The following MYOM1 variants were observed in gnomAD, a reference collection of about 807,000 sequenced individuals.
MYOM1 encodes the protein myomesin 1.
Under a neutral mutation model 205.3 loss-of-function variants are expected in MYOM1, and 164 were observed. The observed-to-expected ratio is 0.80, with a 90% CI of 0.70 to 0.91. The LOEUF is 0.91. Ranked by LOEUF, MYOM1 falls within the 40% of genes least tolerant of loss-of-function variation. The pLI, the probability that MYOM1 is intolerant of heterozygous loss-of-function variation, is 0.00. For synonymous variants in MYOM1, 772 were observed against 789.4 expected (o/e 0.98, Z 0.37); for missense variants, 2,011 against 2,127.3 (o/e 0.95, Z 1.08).
intron 1 of MYOM1, chr18:3,217,141 T>C (rs184710857): frequency 6.6e-6 from 1 of 152,440 alleles, no homozygotes; most frequent in Admixed American, 6.5e-5. Flanking sequence ...CCTCCAGAGT[T>C]GTAAGGTAAT....
chr18:3,187,934 G>A (rs543168038), intron 4 of MYOM1, among the ~76,000 whole-genome samples: 46 of 146,628 alleles, frequency 3.1e-4, no homozygotes, highest in Admixed American at 1.0e-3. Flanking sequence ...TGCCTCCCAG[G>A]TTCATGCGAT....
At chr18:3,148,752 A>G (rs185587563) in intron 13 of MYOM1, among the ~76,000 whole-genome samples, 3,095 of 145,806 alleles carry the variant, frequency 0.021, 85 homozygotes, top group African/African-American at 0.071. Context: ...AGGCTGAGGC[A>G]GGAGAATGGC....
the MYOM1 span, among the ~76,000 whole-genome samples, chr18:3,239,876 C>A: frequency 6.6e-6 from 1 of 151,618 alleles, no homozygotes. Context: ...TAAAGTGCAA[C>A]CACTTAGCTT....
Position 3,089,173 on chromosome 18 carries a change from C to T in MYOM1, c.4137+1G>A, listed in dbSNP as rs2079190727. On this transcript the variant is annotated splice_donor_variant, in intron 29 of 37. Coordinates refer to ENST00000356443, the MANE Select transcript of MYOM1 (RefSeq NM_003803.4). LOFTEE classifies it high-confidence loss of function. ...ATATTAAAAATTTATCTACCTCTTACCTTGCATTTCAATAGTACATTACAT... is the reference window on the plus strand; with the variant it reads ...ATATTAAAAATTTATCTACCTCTTATCTTGCATTTCAATAGTACATTACAT... 1 of 1,603,126 alleles carries T rather than the reference C, an allele frequency of 6.2e-7. No individual in the cohort carries two copies. The highest frequency in any genetic ancestry group is 8.5e-7 in the Non-Finnish European group (1 of 1,171,374).
At chr18:3,198,593 G>C (rs1450321269) in intron 2 of MYOM1, among the ~76,000 whole-genome samples, 2 of 152,074 alleles carry the variant, frequency 1.3e-5, no homozygotes, top group Non-Finnish European at 2.9e-5. Context: ...CGACCAGCCT[G>C]GCCAAGATGG....
chr18:3,233,765 A>T, the MYOM1 span, among the ~76,000 whole-genome samples: 14 of 152,230 alleles, frequency 9.2e-5, no homozygotes, highest in East Asian at 1.9e-4. Flanking sequence ...ATACATCTAC[A>T]GGTGGCTGGT....
Position 3,079,300 on chromosome 18 carries a change from GA to G in MYOM1, c.4526del (p.Val1509AlafsTer53), listed in dbSNP as rs748398316. ...TTTGTAGCCAGATCTGCTCTCCAGT[GA>G]CCCCGGTCTTAACTCTGTCTGAGTA... The part of the protein sequence containing the change: ...IRYSDRVKTG[V>X]TGEQIWLQIN... On this transcript the variant is annotated frameshift_variant, in exon 34 of 38. Transcript: ENST00000356443. LOFTEE classifies it high-confidence loss of function. 1 of 1,613,830 alleles carries G rather than the reference GA, an allele frequency of 6.2e-7. No individual in the cohort carries two copies. The highest frequency in any genetic ancestry group is 8.5e-7 in the Non-Finnish European group (1 of 1,179,834).
chr18:3,171,176 T>C (rs984861191), intron 8 of MYOM1, among the ~76,000 whole-genome samples: 3 of 152,200 alleles, frequency 2.0e-5, no homozygotes, highest in African/African-American at 7.2e-5. Context: ...GCCAATACAT[T>C]GTACTGTCTT....
chr18:3,130,385 C>T (rs113696381), intron 17 of MYOM1, among the ~76,000 whole-genome samples: 2 of 152,214 alleles, frequency 1.3e-5, no homozygotes, highest in African/African-American at 4.8e-5. Context: ...GAGATGCTAA[C>T]TGAAGACAAT....
chr18:3,218,834 CA>C (rs1207960996), intron 1 of MYOM1, among the ~76,000 whole-genome samples: 1 of 152,088 alleles, frequency 6.6e-6, no homozygotes, highest in Non-Finnish European at 1.5e-5. Flanking sequence ...TATCTTGCCC[CA>C]ATACTATTTT....
At position 3,106,666 on chromosome 18, in the gene MYOM1, A is replaced by T. The variant is rs565883465; in HGVS notation, c.3419-4036T>A. Among the ~76,000 whole-genome samples the T allele has an allele frequency of 3.3e-5, 5 of 152,254 alleles. No individual in the cohort carries two copies. In the East Asian group the frequency reaches 5.8e-4, roughly 18 times the overall value. ...ATGAGACTCTGTATCTACAAAAAAA[A>T]TTTTTAATTAGTGGGATGTGGTGGC... On this transcript the variant is annotated intron_variant, in intron 22 of 37. Coordinates refer to ENST00000356443, the MANE Select transcript of MYOM1 (RefSeq NM_003803.4).
At chr18:3,149,088 A>G in intron 13 of MYOM1, 57 bp downstream of exon 13, 2 of 1,497,246 alleles carry the variant, frequency 1.3e-6, no homozygotes, top group Non-Finnish European at 1.9e-6. Flanking sequence ...CCACAACAAA[A>G]GGCAAACTGC....
chr18:3,077,301 G>A (rs1054268984), intron 34 of MYOM1, among the ~76,000 whole-genome samples: 5 of 152,034 alleles, frequency 3.3e-5, no homozygotes, highest in African/African-American at 9.7e-5. Flanking sequence ...TGACAGCTGT[G>A]AGCCACCATG....
intron 37 of MYOM1, 23 bp downstream of exon 37, chr18:3,071,811 G>A: frequency 1.9e-6 from 3 of 1,587,044 alleles, no homozygotes; most frequent in Non-Finnish European, 2.6e-6. Context: ...GAAGGAGCAG[G>A]CACAGGCAGG....
At chr18:3,204,942 A>T (rs932198830) in intron 2 of MYOM1, among the ~76,000 whole-genome samples, 1 of 152,104 alleles carries the variant, frequency 6.6e-6, no homozygotes, top group Admixed American at 6.5e-5. Flanking sequence ...TGATAAAGGT[A>T]TCAAGAAATT....
At chr18:3,098,586 C>T (rs538877538) in intron 25 of MYOM1, among the ~76,000 whole-genome samples, 1 of 152,028 alleles carries the variant, frequency 6.6e-6, no homozygotes, top group Non-Finnish European at 1.5e-5. Context: ...CCTCTTACAG[C>T]ATTTCTATAT....
intron 17 of MYOM1, among the ~76,000 whole-genome samples, chr18:3,130,025 A>G (rs1281099742): frequency 6.6e-6 from 1 of 151,506 alleles, no homozygotes; most frequent in Non-Finnish European, 1.5e-5. Flanking sequence ...ATTATAAGGA[A>G]TCTTCCTTCC....
At chr18:3,175,442 G>A (rs970959312) in intron 6 of MYOM1, among the ~76,000 whole-genome samples, 1 of 151,980 alleles carries the variant, frequency 6.6e-6, no homozygotes, top group Non-Finnish European at 1.5e-5. Context: ...GGGAACTTAG[G>A]AATTTTGATG....
At chr18:3,187,662 A>T in intron 4 of MYOM1, 25 bp from the exon 5 acceptor site, 1 of 1,553,438 alleles carries the variant, frequency 6.4e-7, no homozygotes, top group Non-Finnish European at 8.8e-7. Context: ...ATGCAAACAA[A>T]CATATTACCA....
Sources: allele counts gnomAD v4.1 joint callset (sites outside exome capture counted in the v4.1 genomes callset), GRCh38; gene constraint gnomAD v4.1.1; transcripts MANE v1.5; gene names NCBI Gene and HGNC (gene_info 2026-07-23, HGNC 2026-07-21).